Variants in HMGB1 observed in about 807,000 individuals in gnomAD.
HMGB1 encodes high mobility group protein B1.
For synonymous variants in HMGB1, 81 were observed against 84.0 expected (o/e 0.96, Z 0.19); for missense variants, 79 against 253.5 (o/e 0.31, Z 4.67).
chr13:30,549,017 G>A (rs1180814268), intron 1 of HMGB1, among the ~76,000 whole-genome samples: 3 of 152,106 alleles, frequency 2.0e-5, no homozygotes, highest in Non-Finnish European at 2.9e-5. Flanking sequence ...AATCAGAGAC[G>A]CTGGGTGCAA....
chr13:30,597,985 T>C (rs1871693070), intron 1 of HMGB1, among the ~76,000 whole-genome samples: 1 of 152,236 alleles, frequency 6.6e-6, no homozygotes, highest in South Asian at 2.1e-4. Flanking sequence ...ATGCTTCCGA[T>C]AGCCTTAGAG....
intron 1 of HMGB1, among the ~76,000 whole-genome samples, chr13:30,565,435 T>C (rs1341797828): frequency 6.6e-6 from 1 of 152,120 alleles, no homozygotes; most frequent in Non-Finnish European, 1.5e-5. Context: ...GGGGCATAGA[T>C]TGTCAGGCAG....
intron 1 of HMGB1, among the ~76,000 whole-genome samples, chr13:30,507,024 G>T (rs1319697827): frequency 6.6e-6 from 1 of 152,182 alleles, no homozygotes; most frequent in Non-Finnish European, 1.5e-5. Context: ...AGCGATCAGG[G>T]TGCTTGCCTC....
chr13:30,465,193 GGCC>G (rs555201146), intron 1 of HMGB1: 535 of 778,610 alleles, frequency 6.9e-4, no homozygotes, highest in Non-Finnish European at 7.5e-4. Flanking sequence ...CCCGCCGCCC[GGCC>G]GCCGCCGCCG....
At chr13:30,520,529 AG>A (rs1245688726) in intron 1 of HMGB1, among the ~76,000 whole-genome samples, 1 of 152,064 alleles carries the variant, frequency 6.6e-6, no homozygotes. Context: ...CTGAGGCACG[AG>A]AATCACTTGA....
intron 1 of HMGB1, among the ~76,000 whole-genome samples, chr13:30,556,266 G>A (rs894889349): frequency 6.6e-6 from 1 of 152,186 alleles, no homozygotes; most frequent in Admixed American, 6.5e-5. Context: ...TTAGCCAGGT[G>A]TGGTGGTGAG....
At chr13:30,562,048 G>A (rs763238880) in intron 1 of HMGB1, among the ~76,000 whole-genome samples, 10 of 152,162 alleles carry the variant, frequency 6.6e-5, no homozygotes, top group South Asian at 2.1e-4. Context: ...TTGGCCGGGC[G>A]CAGTGGCTCA....
chr13:30,505,115 C>T (rs770348309), intron 1 of HMGB1, among the ~76,000 whole-genome samples: 9 of 149,210 alleles, frequency 6.0e-5, no homozygotes, highest in Non-Finnish European at 1.2e-4. Context: ...GGACTACAGG[C>T]GCCGCCACCA....
intron 1 of HMGB1, among the ~76,000 whole-genome samples, chr13:30,607,234 C>T (rs1950468564): frequency 6.6e-6 from 1 of 152,220 alleles, no homozygotes; most frequent in African/African-American, 2.4e-5. Flanking sequence ...TTAACTCATA[C>T]TAAAATCAAA....
intron 3 of HMGB1, 40 bp from the exon 4 acceptor site, chr13:30,462,752 T>A (rs540146818): frequency 6.5e-7 from 1 of 1,537,156 alleles, no homozygotes; most frequent in East Asian, 2.3e-5. Flanking sequence ...AGTTAACAGA[T>A]CACAAAAACA....
chr13:30,583,409 T>C (rs564881037), intron 1 of HMGB1, among the ~76,000 whole-genome samples: 3 of 150,552 alleles, frequency 2.0e-5, no homozygotes, highest in South Asian at 2.1e-4. Context: ...GGTGCACCTA[T>C]AGTCCCAGCT....
At chr13:30,568,905 GGT>G (rs1413025853) in intron 1 of HMGB1, among the ~76,000 whole-genome samples, 1 of 152,162 alleles carries the variant, frequency 6.6e-6, no homozygotes, top group Non-Finnish European at 1.5e-5. Flanking sequence ...GGCCAGGCGT[GGT>G]GGCTCAGACC....
At chr13:30,503,002 A>G (rs1373173872) in intron 1 of HMGB1, among the ~76,000 whole-genome samples, 1 of 152,000 alleles carries the variant, frequency 6.6e-6, no homozygotes, top group Non-Finnish European at 1.5e-5. Flanking sequence ...AGTTGATGAG[A>G]TATAAAGGAG....
intron 1 of HMGB1, among the ~76,000 whole-genome samples, chr13:30,607,606 A>G (rs1364369548): frequency 6.6e-6 from 1 of 152,194 alleles, no homozygotes; most frequent in African/African-American, 2.4e-5. Context: ...GTGAAAATAG[A>G]CTAATACAAT....
At chr13:30,548,734 G>A (rs1016733145) in intron 1 of HMGB1, among the ~76,000 whole-genome samples, 10 of 152,132 alleles carry the variant, frequency 6.6e-5, no homozygotes, top group Non-Finnish European at 1.3e-4. Flanking sequence ...CTTGGGGGAC[G>A]TATAAGAATG....
chr13:30,463,877 CAAACAAAACA>C, intron 1 of HMGB1, 183 bp from the exon 2 acceptor site: 1 of 530,154 alleles, frequency 1.9e-6, no homozygotes, highest in Non-Finnish European at 3.2e-6. Flanking sequence ...CTATGCCAAG[CAAACAAAACA>C]AAACAAAAAC....
At chr13:30,479,303 C>T (rs553174261) in intron 1 of HMGB1, among the ~76,000 whole-genome samples, 1 of 152,252 alleles carries the variant, frequency 6.6e-6, no homozygotes, top group South Asian at 2.1e-4. Context: ...TAAACACTGT[C>T]ATTATGTAAA....
intron 1 of HMGB1, among the ~76,000 whole-genome samples, chr13:30,570,138 A>C (rs1870365990): frequency 6.6e-6 from 1 of 152,200 alleles, no homozygotes; most frequent in African/African-American, 2.4e-5. Flanking sequence ...AAGAAGTCTG[A>C]GGCATTGCCT....
intron 1 of HMGB1, among the ~76,000 whole-genome samples, chr13:30,525,866 C>T (rs1292464548): frequency 6.6e-6 from 1 of 151,476 alleles, no homozygotes; most frequent in African/African-American, 2.4e-5. Flanking sequence ...TGGGGGGACA[C>T]AAAGCCTAAC....
Sources: allele counts gnomAD v4.1 joint callset (sites outside exome capture counted in the v4.1 genomes callset), GRCh38; gene constraint gnomAD v4.1.1; transcripts MANE v1.5; gene names NCBI Gene and HGNC (gene_info 2026-07-23, HGNC 2026-07-21).